Variants in SHTN1 observed in about 807,000 individuals in gnomAD.
SHTN1 encodes the protein shootin 1, also known as shootin-1.
Under a neutral mutation model 83.1 loss-of-function variants are expected in SHTN1, and 42 were observed. That is an observed-to-expected ratio of 0.51 (90% confidence interval 0.39 to 0.65). The LOEUF (loss-of-function observed/expected upper bound fraction) is 0.65, where lower values mean the gene tolerates loss of function less well. Ranked by LOEUF, SHTN1 falls within the 30% of genes least tolerant of loss-of-function variation. SHTN1 has a pLI of 0.00. For synonymous variants in SHTN1, 224 were observed against 247.7 expected (o/e 0.90, Z 0.90); for missense variants, 622 against 737.8 (o/e 0.84, Z 1.82).
chr10:116,921,549 T>C (rs1181248428), intron 11 of SHTN1, 33 bp from the exon 12 acceptor site: 1 of 1,509,158 alleles, frequency 6.6e-7, no homozygotes, highest in Non-Finnish European at 9.2e-7. Context: ...AACAGGAGAT[T>C]ACTGGATGCC....
intron 1 of SHTN1, among the ~76,000 whole-genome samples, chr10:116,979,904 G>A (rs1042783667): frequency 2.2e-4 from 33 of 152,172 alleles, no homozygotes; most frequent in African/African-American, 7.5e-4. Context: ...AAAAATTTAT[G>A]AAGGATTCAG....
intron 1 of SHTN1, among the ~76,000 whole-genome samples, chr10:117,060,854 A>G (rs1852889286): frequency 6.6e-6 from 1 of 152,214 alleles, no homozygotes; most frequent in Admixed American, 6.5e-5. Flanking sequence ...GAGAGGAAAG[A>G]AATCTTAGGA....
chr10:117,020,067 C>T (rs1054720769), intron 2 of SHTN1, among the ~76,000 whole-genome samples: 1 of 151,862 alleles, frequency 6.6e-6, no homozygotes, highest in Non-Finnish European at 1.5e-5. Context: ...GGCAACAGAT[C>T]TAGAATAACC....
At chr10:116,951,216 A>G (rs1849764378) in intron 6 of SHTN1, among the ~76,000 whole-genome samples, 1 of 152,206 alleles carries the variant, frequency 6.6e-6, no homozygotes. Flanking sequence ...CAAGTCCAGG[A>G]GTTCAAGGTA....
upstream of SHTN1, among the ~76,000 whole-genome samples, chr10:117,006,237 T>G (rs987129515): frequency 9.1e-5 from 2 of 22,016 alleles, no homozygotes; most frequent in Non-Finnish European, 1.1e-3. Context: ...GCAGTTTTTT[T>G]TTGTTTTTTT....
At chr10:116,907,593 C>T (rs919409394) in intron 14 of SHTN1, among the ~76,000 whole-genome samples, 53 of 152,310 alleles carry the variant, frequency 3.5e-4, no homozygotes, top group African/African-American at 1.3e-3. Flanking sequence ...GTACAGAACA[C>T]TGGGTGACGT....
chr10:117,026,121 C>T (rs542040680), intron 2 of SHTN1, among the ~76,000 whole-genome samples: 40 of 151,670 alleles, frequency 2.6e-4, no homozygotes, highest in African/African-American at 9.4e-4. Flanking sequence ...TCCTGGGGTC[C>T]CTGATTCCAG....
chr10:116,918,834 C>G (rs946511759), intron 12 of SHTN1, among the ~76,000 whole-genome samples: 12 of 152,120 alleles, frequency 7.9e-5, no homozygotes, highest in African/African-American at 2.9e-4. Flanking sequence ...AAATTAATGA[C>G]CTAAATGTAT....
intron 1 of SHTN1, among the ~76,000 whole-genome samples, chr10:117,051,674 A>T (rs1564942510): frequency 6.6e-6 from 1 of 152,004 alleles, no homozygotes; most frequent in Non-Finnish European, 1.5e-5. Context: ...TATGATCTCA[A>T]TTGATCTAGT....
chr10:117,032,337 G>A (rs1263701973), intron 2 of SHTN1, among the ~76,000 whole-genome samples: 2 of 151,996 alleles, frequency 1.3e-5, no homozygotes, highest in Non-Finnish European at 2.9e-5. Context: ...CTGAGTAGCT[G>A]GGACTACAGG....
At chr10:117,013,810 T>C (rs1293297586) in intron 2 of SHTN1, among the ~76,000 whole-genome samples, 11 of 152,230 alleles carry the variant, frequency 7.2e-5, no homozygotes, top group African/African-American at 1.4e-4. Flanking sequence ...AAAACCCATA[T>C]ACAAATGTTT....
chr10:116,895,716 C>T (rs779232982), intron 16 of SHTN1, among the ~76,000 whole-genome samples: 5 of 152,096 alleles, frequency 3.3e-5, no homozygotes, highest in South Asian at 2.1e-4. Context: ...AGACACTAAA[C>T]GCAGTACACC....
intron 2 of SHTN1, among the ~76,000 whole-genome samples, chr10:116,970,876 A>C (rs1006944183): frequency 2.6e-5 from 4 of 152,150 alleles, no homozygotes; most frequent in Non-Finnish European, 5.9e-5. Flanking sequence ...TACAACATTT[A>C]TAACAGTAGT....
chr10:116,956,911 GTTTT>G (rs913425869), intron 4 of SHTN1, among the ~76,000 whole-genome samples: 22 of 151,588 alleles, frequency 1.5e-4, no homozygotes, highest in African/African-American at 3.9e-4. Context: ...ATATATGAGG[GTTTT>G]TTTTGTTTTG....
intron 1 of SHTN1, among the ~76,000 whole-genome samples, chr10:117,124,766 T>A (rs944639440): frequency 2.0e-5 from 3 of 152,198 alleles, no homozygotes; most frequent in Admixed American, 6.5e-5. Flanking sequence ...GCAGTGAGAC[T>A]CCGTCTCAAA....
intron 1 of SHTN1, among the ~76,000 whole-genome samples, chr10:117,105,952 T>C (rs948865800): frequency 6.6e-6 from 1 of 151,998 alleles, no homozygotes; most frequent in African/African-American, 2.4e-5. Flanking sequence ...AGGTCGAGGC[T>C]GAGGTGAACC....
chr10:116,990,650 C>CT (rs1274646953), intron 1 of SHTN1, among the ~76,000 whole-genome samples: 1 of 152,110 alleles, frequency 6.6e-6, no homozygotes, highest in Non-Finnish European at 1.5e-5. Context: ...GAATGTAATT[C>CT]TTGCATCTAT....
At chr10:117,092,854 T>C (rs1224099528) in intron 1 of SHTN1, among the ~76,000 whole-genome samples, 1 of 152,164 alleles carries the variant, frequency 6.6e-6, no homozygotes, top group Non-Finnish European at 1.5e-5. Context: ...TGGGCTCATA[T>C]GTAATACTTT....
intron 1 of SHTN1, among the ~76,000 whole-genome samples, chr10:117,054,343 A>C (rs1852795208): frequency 6.6e-6 from 1 of 152,096 alleles, no homozygotes; most frequent in South Asian, 2.1e-4. Flanking sequence ...GTAGGACATC[A>C]ATCTTGCTAA....
Sources: gnomAD v4.1 joint callset for allele counts (sites outside exome capture counted in the v4.1 genomes callset) on GRCh38, gnomAD v4.1.1 for gene constraint, MANE v1.5 for transcripts, NCBI Gene and HGNC (gene_info 2026-07-23, HGNC 2026-07-21) for gene names.